ULK2: variants seen among roughly 807,000 people sequenced by gnomAD.
The protein encoded by ULK2 is serine/threonine-protein kinase ULK2.
In ULK2, 76 loss-of-function variants were observed where a neutral mutation model predicts 127.5. The observed-to-expected ratio is 0.60, with a 90% CI of 0.50 to 0.72. The LOEUF is 0.72. Among genes scored for constraint, ULK2 ranks in the 30% least tolerant of loss-of-function variants. The pLI, the probability that ULK2 is intolerant of heterozygous loss-of-function variation, is 0.00. For missense variants in ULK2, 1,144 were observed against 1,295.9 expected, an observed-to-expected ratio of 0.88 and a Z score of 1.80; for synonymous variants, 452 against 461.9, an observed-to-expected ratio of 0.98 and a Z score of 0.28.
At chr17:19,800,690 C>T (rs1348841708) in intron 16 of ULK2, among the ~76,000 whole-genome samples, 2 of 152,128 alleles carry the variant, frequency 1.3e-5, no homozygotes, top group African/African-American at 4.8e-5. Flanking sequence ...AGACTTCTTC[C>T]TGTTCCATCT....
intron 3 of ULK2, among the ~76,000 whole-genome samples, chr17:19,853,524 T>G (rs1377923617): frequency 1.3e-5 from 2 of 152,026 alleles, no homozygotes. Flanking sequence ...TTCTATGGTT[T>G]ATCTCACAGG....
chr17:19,820,297 T>C (rs1489138728), intron 12 of ULK2, among the ~76,000 whole-genome samples: 2 of 152,224 alleles, frequency 1.3e-5, no homozygotes, highest in East Asian at 1.9e-4. Flanking sequence ...TCCACCCGCC[T>C]AGGCCTCCCA....
rs1416694825 is a variant in ULK2 at position 19,829,566 on chromosome 17, G to C, written c.788-3380C>G. 3.2e-4 allele frequency among the ~76,000 whole-genome samples: 46 copies of C among 145,532 alleles called. 3 individuals carry two copies. The highest frequency in any genetic ancestry group is 1.1e-3 in the African/African-American group (45 of 39,340). ...AAAAAAAAGGGGGGGGGCTGGGCACGGTAGCTCACGCCTGTAATCCCAGCA... is the reference window on the plus strand; with the variant it reads ...AAAAAAAAGGGGGGGGGCTGGGCACCGTAGCTCACGCCTGTAATCCCAGCA... On this transcript the variant is annotated intron_variant, in intron 10 of 26. Transcript: ENST00000395544.
Position 19,801,833 on chromosome 17 carries a change from G to T in ULK2, c.1385C>A (p.Thr462Lys). The change falls in exon 16 of 27, where the codon ACA becomes AAA. Residue 462 changes from threonine to lysine, a missense_variant. Transcript: ENST00000395544. ...CSPVPADTAQ[T>K]VGRRLSTGSS... is the part of the protein sequence containing the mutation. ...CCCAGTGGAGAGCCTTCGTCCAACT[G>T]TCTGTGCTGTGTCTGCTGGTACTGG... The T allele has an allele frequency of 6.2e-7, 1 of 1,614,244 alleles. No individual in the cohort carries two copies. Among genetic ancestry groups the T allele is most frequent in the Non-Finnish European group, 8.5e-7 (1 of 1,180,040 alleles).
intron 3 of ULK2, among the ~76,000 whole-genome samples, chr17:19,858,798 C>T (rs2042183167): frequency 6.6e-6 from 1 of 151,956 alleles, no homozygotes; most frequent in Admixed American, 6.6e-5. Flanking sequence ...GGTGAAACCC[C>T]ATTTCTACTA....
chr17:19,846,972 C>A, intron 5 of ULK2, 62 bp from the exon 6 acceptor site: 1 of 1,479,460 alleles, frequency 6.8e-7, no homozygotes, highest in East Asian at 2.4e-5. Context: ...TCTGCATATT[C>A]CATCAACAGG....
chr17:19,803,395 T>A (rs551427190), intron 15 of ULK2, among the ~76,000 whole-genome samples: 2 of 152,338 alleles, frequency 1.3e-5, no homozygotes, highest in African/African-American at 4.8e-5. Flanking sequence ...ATAGTACTGT[T>A]TGGGTACCAC....
At chr17:19,798,673 T>C (rs1368593904) in intron 17 of ULK2, among the ~76,000 whole-genome samples, 1 of 152,214 alleles carries the variant, frequency 6.6e-6, no homozygotes, top group East Asian at 1.9e-4. Flanking sequence ...TTAAGCTTTG[T>C]TAAAGAGTGC....
rs979454342 is a variant in ULK2, at chr17:19,775,693, C to T, written c.*656G>A. 2 of 152,506 alleles carry T rather than the reference C, an allele frequency of 1.3e-5. No individual in the cohort carries two copies. The highest frequency in any genetic ancestry group is 2.1e-4 in the South Asian group (1 of 4,826). The allele number at this position is 152,506 out of a possible 1,614,324, so 9.4% of individuals were successfully genotyped here. On this transcript the variant is annotated 3_prime_UTR_variant, in exon 27 of 27. Transcript: ENST00000395544. ...ATACAATCAAGTAAAATATTTTAAA[C>T]AAGTCCATTGTGCCTTAGTTAAATT...
chr17:19,827,272 G>C (rs1471665249), intron 10 of ULK2, among the ~76,000 whole-genome samples: 1 of 152,174 alleles, frequency 6.6e-6, no homozygotes, highest in Non-Finnish European at 1.5e-5. Flanking sequence ...ATCTGAGGAA[G>C]TATGTCCTCC....
intron 12 of ULK2, among the ~76,000 whole-genome samples, chr17:19,824,078 C>T (rs930917718): frequency 1.3e-5 from 2 of 152,170 alleles, no homozygotes; most frequent in Admixed American, 1.3e-4. Flanking sequence ...AGGTAAGGTA[C>T]ATGGAGGCTG....
intron 10 of ULK2, among the ~76,000 whole-genome samples, chr17:19,826,458 T>C (rs911768840): frequency 3.3e-5 from 5 of 152,200 alleles, no homozygotes; most frequent in Non-Finnish European, 5.9e-5. Context: ...CATACTCTGA[T>C]GCTACTTACA....
intron 4 of ULK2, among the ~76,000 whole-genome samples, 159 bp from the exon 5 acceptor site, chr17:19,849,564 G>C (rs1436464550): frequency 6.6e-6 from 1 of 151,612 alleles, no homozygotes; most frequent in African/African-American, 2.4e-5. Flanking sequence ...TATATTCCTT[G>C]AGTAGAATCT....
intron 5 of ULK2, among the ~76,000 whole-genome samples, chr17:19,849,131 T>C (rs994904894): frequency 6.6e-6 from 1 of 152,094 alleles, no homozygotes; most frequent in African/African-American, 2.4e-5. Context: ...TCAAACACTG[T>C]CAGAGAGAGA....
At chr17:19,855,148 T>C (rs563630908) in intron 3 of ULK2, among the ~76,000 whole-genome samples, 139 of 149,276 alleles carry the variant, frequency 9.3e-4, no homozygotes, top group Non-Finnish European at 2.8e-4. Context: ...CTCACGCCTG[T>C]AATCCCAGCA....
chr17:19,784,580 G>C (rs997671970), intron 21 of ULK2, among the ~76,000 whole-genome samples: 4 of 139,814 alleles, frequency 2.9e-5, no homozygotes, highest in African/African-American at 1.1e-4. Context: ...CTGAATTGCA[G>C]TGGCGTGATC....
At chr17:19,796,043 T>A (rs1231291640) in intron 19 of ULK2, 52 bp downstream of exon 19, 1 of 1,554,816 alleles carries the variant, frequency 6.4e-7, no homozygotes, top group African/African-American at 1.4e-5. Context: ...GAAATCTATG[T>A]TTTACTATTA....
chr17:19,817,204 A>G (rs908361511), intron 12 of ULK2, among the ~76,000 whole-genome samples: 8 of 152,180 alleles, frequency 5.3e-5, no homozygotes, highest in African/African-American at 7.2e-5. Flanking sequence ...AGTTTTTGAG[A>G]AAGTAAATTT....
chr17:19,780,927 G>T (rs938460504), intron 24 of ULK2, 59 bp downstream of exon 24: 81 of 1,467,980 alleles, frequency 5.5e-5, no homozygotes, highest in Non-Finnish European at 7.5e-5. Flanking sequence ...CTCACAGTGT[G>T]ATGGGAAAGA....
Sources: gnomAD v4.1 joint callset for allele counts (sites outside exome capture counted in the v4.1 genomes callset) on GRCh38, gnomAD v4.1.1 for gene constraint, MANE v1.5 for transcripts, NCBI Gene and HGNC (gene_info 2026-07-23, HGNC 2026-07-21) for gene names.